The following MGST1 variants were observed in gnomAD, a reference collection of about 807,000 sequenced individuals.
MGST1 encodes microsomal glutathione S-transferase 1.
A neutral mutation model predicts 8.9 loss-of-function variants in MGST1; 5 were observed. The ratio of observed to expected loss-of-function variants is 0.56; its 90% CI spans 0.29 to 1.19. The LOEUF (loss-of-function observed/expected upper bound fraction) is 1.19. Ranked by LOEUF, MGST1 falls within the 50% of genes most tolerant of loss-of-function variation. MGST1 has a pLI of 0.08. For missense variants in MGST1, 182 were observed against 187.4 expected (o/e 0.97, Z 0.17); for synonymous variants, 54 against 67.8 (o/e 0.80, Z 1.00).
exon 4 of MGST1, chr12:16,376,235 T>C: frequency 6.0e-6 from 4 of 665,572 alleles, no homozygotes; most frequent in South Asian, 5.9e-5. Flanking sequence ...CAGTGAATAA[T>C]TGAAGAAAAA....
At chr12:16,382,673 C>G (rs113544597), upstream of MGST1, among the ~76,000 whole-genome samples, 4 of 152,198 alleles carry the variant, frequency 2.6e-5, no homozygotes, top group African/African-American at 9.6e-5. Context: ...AGCTGTCAGA[C>G]AGGGACTTTT....
Position 16,544,012 on chromosome 12 carries a change from G to A in MGST1, n.483-45516G>A, listed in dbSNP as rs1034723215. ...TGTAAAACACTCATACTCTTCCTAAGTGTAAGCAGGTGATTTCTTATACTG... is the reference window on the plus strand; with the variant it reads ...TGTAAAACACTCATACTCTTCCTAAATGTAAGCAGGTGATTTCTTATACTG... On this transcript the variant is annotated intron_variant and non_coding_transcript_variant, in intron 4 of 4. Transcript: ENST00000538857. The surrounding 1 kb of genome is among the most constrained non-coding windows in gnomAD (Gnocchi z 4.8). 6.6e-6 allele frequency among the ~76,000 whole-genome samples: 1 copy of A among 151,950 alleles called. No homozygotes were observed.
intron 4 of MGST1, among the ~76,000 whole-genome samples, chr12:16,556,677 G>A (rs1780908771): frequency 6.6e-6 from 1 of 152,192 alleles, no homozygotes; most frequent in African/African-American, 2.4e-5. Flanking sequence ...TACTGGAAGT[G>A]GGATATGGGT....
intron 4 of MGST1, among the ~76,000 whole-genome samples, chr12:16,473,587 A>G (rs1416352693): frequency 6.6e-6 from 1 of 152,124 alleles, no homozygotes; most frequent in African/African-American, 2.4e-5. Context: ...TAATCTTTCT[A>G]TTTATTTTTG....
At chr12:16,476,256 A>G (rs1941322465) in intron 4 of MGST1, among the ~76,000 whole-genome samples, 1 of 152,238 alleles carries the variant, frequency 6.6e-6, no homozygotes, top group South Asian at 2.1e-4. Flanking sequence ...AGGAAAAATA[A>G]GGAGACAGCA....
At chr12:16,468,388 A>G (rs1030034407) in intron 4 of MGST1, among the ~76,000 whole-genome samples, 1 of 14,776 alleles carries the variant, frequency 6.8e-5, no homozygotes, top group East Asian at 3.3e-3. Flanking sequence ...CTTCATTTGT[A>G]TCGGGTCTCG....
chr12:16,348,521 G>A (rs886455122), intron 1 of MGST1, among the ~76,000 whole-genome samples: 4 of 152,160 alleles, frequency 2.6e-5, no homozygotes, highest in Admixed American at 6.5e-5. Context: ...CTCTTGAAAT[G>A]TGGCAGTCTG....
At chr12:16,480,430 C>T (rs997119054) in intron 4 of MGST1, among the ~76,000 whole-genome samples, 7 of 152,168 alleles carry the variant, frequency 4.6e-5, no homozygotes, top group African/African-American at 1.2e-4. Context: ...CATAAGCCAC[C>T]GTGGTCGGCC....
intron 4 of MGST1, among the ~76,000 whole-genome samples, chr12:16,528,158 T>G (rs1420261088): frequency 1.3e-5 from 2 of 152,056 alleles, no homozygotes; most frequent in African/African-American, 4.8e-5. Flanking sequence ...CGTTTTGGCT[T>G]GTTTTCGCCA....
At chr12:16,570,208 G>A (rs1942768109) in intron 4 of MGST1, among the ~76,000 whole-genome samples, 1 of 152,056 alleles carries the variant, frequency 6.6e-6, no homozygotes. Context: ...ATTGAATAGG[G>A]TTTTCTAGGT....
intron 3 of MGST1, chr12:16,370,279 T>C (rs1940269743): frequency 1.3e-5 from 2 of 152,144 alleles, no homozygotes; most frequent in Admixed American, 6.6e-5. Flanking sequence ...GGAAGACAGA[T>C]GGGACAAGGA....
Position 16,497,431 on chromosome 12 carries a change from A to C in MGST1, n.483-92097A>C, listed in dbSNP as rs1941478067. On this transcript the variant is annotated intron_variant and non_coding_transcript_variant, in intron 4 of 4. Transcript: ENST00000538857. This position sits in a 1 kb window ranked among gnomAD's most constrained non-coding sequence, Gnocchi z 4.4. Reference sequence around the variant, plus strand: ...AGCAATGATCTGAAATCTAGAGAGAAGAGTGGAATGAAGACTGCACATTCT... The same window carrying C: ...AGCAATGATCTGAAATCTAGAGAGACGAGTGGAATGAAGACTGCACATTCT... 6.6e-6 allele frequency among the ~76,000 whole-genome samples: 1 copy of C among 152,188 alleles called. No individual in the cohort carries two copies. Among genetic ancestry groups the C allele is most frequent in the South Asian group, 2.1e-4 (1 of 4,832 alleles).
intron 4 of MGST1, among the ~76,000 whole-genome samples, chr12:16,493,468 C>T (rs1447897358): frequency 6.6e-6 from 1 of 152,086 alleles, no homozygotes; most frequent in African/African-American, 2.4e-5. Context: ...AACAGACTCT[C>T]CAAGTAATTC....
Position 16,503,177 on chromosome 12 carries a change from C to A in MGST1, n.483-86351C>A, listed in dbSNP as rs552385075. Among the ~76,000 whole-genome samples the A allele has an allele frequency of 5.3e-5, 8 of 152,072 alleles. No individual in the cohort carries two copies. The highest frequency in any genetic ancestry group is 2.0e-4 in the Admixed American group (3 of 15,258). ...TGGTTTATCTTCCCCCACCCTCCCC[C>A]CTTTTTGTTTCTTCTCTTATTGTTA... On this transcript the variant is annotated intron_variant and non_coding_transcript_variant, in intron 4 of 4. Transcript: ENST00000538857. This position sits in a 1 kb window ranked among gnomAD's most constrained non-coding sequence, Gnocchi z 4.8.
intron 1 of MGST1, chr12:16,399,232 T>G: frequency 1.3e-6 from 2 of 1,528,628 alleles, no homozygotes; most frequent in Non-Finnish European, 1.8e-6. Flanking sequence ...ATTTTCAGGG[T>G]TTGGCTAGAG....
At chr12:16,492,942 T>G (rs1044056139) in intron 4 of MGST1, among the ~76,000 whole-genome samples, 2 of 152,186 alleles carry the variant, frequency 1.3e-5, no homozygotes, top group Admixed American at 6.5e-5. Flanking sequence ...TCTGGGCCCC[T>G]GGGCATGGGA....
At chr12:16,398,223 A>G (rs1473149199) in intron 1 of MGST1, among the ~76,000 whole-genome samples, 2 of 152,176 alleles carry the variant, frequency 1.3e-5, no homozygotes, top group Non-Finnish European at 2.9e-5. Flanking sequence ...TCTTAAAGTC[A>G]CAGAGCATGG....
At chr12:16,415,081 A>G (rs1458754400) in intron 1 of MGST1, among the ~76,000 whole-genome samples, 1 of 152,186 alleles carries the variant, frequency 6.6e-6, no homozygotes, top group Non-Finnish European at 1.5e-5. Context: ...GTAGGTCAAA[A>G]CACCTATGTA....
chr12:16,404,131 A>G (rs181021281), intron 1 of MGST1, among the ~76,000 whole-genome samples: 1 of 152,340 alleles, frequency 6.6e-6, no homozygotes, highest in Admixed American at 6.5e-5. Context: ...TTAGGTAGAT[A>G]CAAAATAATA....
Sources: gnomAD v4.1 joint callset for allele counts (sites outside exome capture counted in the v4.1 genomes callset) on GRCh38, gnomAD v4.1.1 for gene constraint, Gnocchi (gnomAD v3.1) non-coding constraint, MANE v1.5 for transcripts, NCBI Gene and HGNC (gene_info 2026-07-23, HGNC 2026-07-21) for gene names.